Variants in ADAMTS16 observed in about 807,000 individuals in gnomAD.
The protein encoded by ADAMTS16 is ADAM metallopeptidase with thrombospondin type 1 motif 16.
In ADAMTS16, 94 loss-of-function variants were observed where a neutral mutation model predicts 145.8. The ratio of observed to expected loss-of-function variants is 0.64; its 90% CI spans 0.55 to 0.77. ADAMTS16 has a LOEUF of 0.77. ADAMTS16 is among the 30% of genes least tolerant of loss of function. ADAMTS16 has a pLI of 0.00. For missense variants in ADAMTS16, 1,585 were observed against 1,591.5 expected (o/e 1.00, Z 0.07); for synonymous variants, 659 against 604.3 (o/e 1.09, Z -1.33).
At chr5:5,216,661 T>G (rs1161228053) in intron 10 of ADAMTS16, among the ~76,000 whole-genome samples, 1 of 150,510 alleles carries the variant, frequency 6.6e-6, no homozygotes, top group Non-Finnish European at 1.5e-5. Flanking sequence ...ATTGTGCAGG[T>G]TAGTTACATA....
chr5:5,287,104 C>T (rs539040176), intron 18 of ADAMTS16, among the ~76,000 whole-genome samples: 2 of 152,236 alleles, frequency 1.3e-5, no homozygotes, highest in East Asian at 3.9e-4. Flanking sequence ...TTTCCTGGAG[C>T]TGATTAATCT....
chr5:5,229,346 A>G (rs939294413), intron 11 of ADAMTS16, among the ~76,000 whole-genome samples: 1 of 151,324 alleles, frequency 6.6e-6, no homozygotes, highest in South Asian at 2.1e-4. Context: ...TTGCTAACCA[A>G]TTGGGATAAA....
intron 18 of ADAMTS16, among the ~76,000 whole-genome samples, chr5:5,300,498 A>G (rs11134107): frequency 0.74 from 112,391 of 152,132 alleles, 41,939 homozygotes; most frequent in South Asian, 0.82. Context: ...TGTGTACACA[A>G]ATTTACATTT....
intron 9 of ADAMTS16, among the ~76,000 whole-genome samples, chr5:5,207,305 A>C (rs1480161422): frequency 6.6e-6 from 1 of 152,236 alleles, no homozygotes; most frequent in Non-Finnish European, 1.5e-5. Flanking sequence ...TTGCTAATAT[A>C]AATGACATGT....
rs187490499 is a variant in ADAMTS16 at position 5,146,057 on chromosome 5, T to C, written c.176-73T>C. On this transcript the variant is annotated intron_variant, in intron 2 of 22. Coordinates refer to ENST00000274181, the MANE Select transcript of ADAMTS16 (RefSeq NM_139056.4). ...GAAAGGTCATGTGGTAAAATAATATTATATCTTAAGACTTCCTGATTCTTC... is the reference window on the plus strand; with the variant it reads ...GAAAGGTCATGTGGTAAAATAATATCATATCTTAAGACTTCCTGATTCTTC... 3.7e-3 allele frequency: 4,862 copies of C among 1,322,694 alleles called. 264 individuals carry two copies. The Admixed American group carries it at 0.092, about 25-fold the overall frequency. 81.9% of individuals were successfully genotyped at this position (1,322,694 alleles called of 1,614,324 possible). A position where few individuals can be genotyped will look rare whatever the true frequency, so the allele number is the denominator to read the frequency against.
chr5:5,222,641 C>T, intron 10 of ADAMTS16, 148 bp from the exon 11 acceptor site: 3 of 618,394 alleles, frequency 4.9e-6, no homozygotes, highest in East Asian at 5.5e-5. Context: ...TTACACCTTA[C>T]TCTATTATAT....
intron 3 of ADAMTS16, among the ~76,000 whole-genome samples, chr5:5,151,944 C>T (rs1225391372): frequency 2.0e-5 from 3 of 152,034 alleles, no homozygotes; most frequent in Non-Finnish European, 2.9e-5. Flanking sequence ...CTACTTGCTA[C>T]TTCTATGTAT....
chr5:5,262,626 T>G, intron 17 of ADAMTS16, 31 bp from the exon 18 acceptor site: 1 of 1,602,866 alleles, frequency 6.2e-7, no homozygotes, highest in Non-Finnish European at 8.5e-7. Context: ...TGCATGTGAG[T>G]CTTTATTCTA....
intron 11 of ADAMTS16, among the ~76,000 whole-genome samples, chr5:5,226,492 C>A (rs933953420): frequency 6.6e-6 from 1 of 152,200 alleles, no homozygotes; most frequent in Admixed American, 6.5e-5. Flanking sequence ...GTGGGAGCTA[C>A]ATTTCAGATG....
At chr5:5,241,993 G>A (rs1737304870) in intron 16 of ADAMTS16, 60 bp from the exon 17 acceptor site, 4 of 1,587,312 alleles carry the variant, frequency 2.5e-6, no homozygotes, top group Admixed American at 1.7e-5. Flanking sequence ...AATCCCGTTA[G>A]CATGTACTTG....
rs1434329956 is a variant in ADAMTS16, at chr5:5,310,531, G to C, written c.3411+3803G>C. Among the ~76,000 whole-genome samples the C allele has an allele frequency of 6.6e-6, 1 of 152,212 alleles. No homozygotes were observed. The highest frequency in any genetic ancestry group is 1.5e-5 in the Non-Finnish European group (1 of 68,044). ...AAACTCAAAGACTGGCTGTCCTCGT[G>C]AGAAGACCACAGGAAGACACAGAGA... is the stretch of plus-strand genomic sequence containing the variant. On this transcript the variant is annotated intron_variant, in intron 21 of 22. Transcript: ENST00000274181. This position sits in a 1 kb window ranked among gnomAD's most constrained non-coding sequence, Gnocchi z 4.3.
intron 9 of ADAMTS16, among the ~76,000 whole-genome samples, chr5:5,201,837 G>A (rs1300216574): frequency 2.0e-5 from 3 of 152,150 alleles, no homozygotes; most frequent in Middle Eastern, 6.3e-3. Flanking sequence ...TATCCTATTA[G>A]ATCCTGTAGA....
chr5:5,203,243 A>T (rs1018238550), intron 9 of ADAMTS16, among the ~76,000 whole-genome samples: 1 of 152,196 alleles, frequency 6.6e-6, no homozygotes, highest in African/African-American at 2.4e-5. Flanking sequence ...ATTAAGATTC[A>T]TTTTACTCGA....
At position 5,186,048 on chromosome 5, in the gene ADAMTS16, A is replaced by G. The variant is rs765490987; in HGVS notation, c.764-4A>G. 2.5e-6 allele frequency: 4 copies of G among 1,611,514 alleles called. 1 individual carries two copies. Among genetic ancestry groups the G allele is most frequent in the South Asian group, 2.2e-5 (2 of 91,046 alleles). ...CCATTTGCCCTCCATGTGTCCCTCC[A>G]TAGACATGCCCCAGCCTCCCAAGGA... On this transcript the variant is annotated splice_region_variant and splice_polypyrimidine_tract_variant and intron_variant, in intron 4 of 22. Transcript: ENST00000274181.
At chr5:5,305,840 G>C (rs909227673) in intron 20 of ADAMTS16, among the ~76,000 whole-genome samples, 1 of 152,192 alleles carries the variant, frequency 6.6e-6, no homozygotes, top group Admixed American at 6.5e-5. Context: ...GAGACCCTCC[G>C]CGCCCAGTCT....
At chr5:5,261,633 G>A (rs922818615) in intron 17 of ADAMTS16, among the ~76,000 whole-genome samples, 1 of 151,908 alleles carries the variant, frequency 6.6e-6, no homozygotes, top group Admixed American at 6.5e-5. Flanking sequence ...ATACAGGCAC[G>A]TGCCACCACG....
chr5:5,292,527 A>C (rs1028815182), intron 18 of ADAMTS16, among the ~76,000 whole-genome samples: 9 of 150,660 alleles, frequency 6.0e-5, no homozygotes, highest in Admixed American at 6.0e-4. Flanking sequence ...AATAATAATA[A>C]TTTTAAAAAT....
At chr5:5,194,642 G>A (rs1021611767) in intron 8 of ADAMTS16, among the ~76,000 whole-genome samples, 6 of 152,180 alleles carry the variant, frequency 3.9e-5, no homozygotes, top group African/African-American at 1.4e-4. Flanking sequence ...ATAAAACTCC[G>A]TGTATCTTAG....
intron 18 of ADAMTS16, among the ~76,000 whole-genome samples, chr5:5,277,748 G>A (rs1033846019): frequency 5.9e-5 from 9 of 152,172 alleles, no homozygotes; most frequent in East Asian, 5.8e-4. Flanking sequence ...GGGTGAGGCC[G>A]GAGGATCGCT....
Sources: gnomAD v4.1 joint callset for allele counts (sites outside exome capture counted in the v4.1 genomes callset) on GRCh38, gnomAD v4.1.1 for gene constraint, Gnocchi (gnomAD v3.1) non-coding constraint, MANE v1.5 for transcripts, NCBI Gene and HGNC (gene_info 2026-07-23, HGNC 2026-07-21) for gene names.